ARID1A: variants seen among roughly 807,000 people sequenced by gnomAD.
ARID1A encodes the protein AT-rich interaction domain 1A, also known as AT-rich interactive domain-containing protein 1A.
In ARID1A, 20 loss-of-function variants were observed where a neutral mutation model predicts 212.6. That is an observed-to-expected ratio of 0.09 (90% CI 0.07 to 0.14). ARID1A has a LOEUF of 0.14. ARID1A is among the 10% of genes least tolerant of loss of function. ARID1A has a pLI of 1.00. For synonymous variants in ARID1A, 1,376 were observed against 1,222.1 expected, an observed-to-expected ratio of 1.13 and a Z score of -2.63; for missense variants, 2,587 against 3,059.0, an observed-to-expected ratio of 0.85 and a Z score of 3.64.
rs762736014 is a variant in ARID1A, at chr1:26,697,339, C to A, written c.936C>A (p.Pro312=). 2.9e-5 allele frequency: 39 copies of A among 1,330,740 alleles called. No individual in the cohort carries two copies. The highest frequency in any genetic ancestry group is 3.6e-5 in the Non-Finnish European group (38 of 1,047,324). The allele number at this position is 1,330,740 out of a possible 1,614,324, so 82.4% of individuals were successfully genotyped here. ...CGGCCCGGGGCTACCAGGGCTACCC[C>A]GGGGGCGACTACAGTGGCGGGCCCC... The part of the protein sequence containing the change: ...PSSARGYQGY[P]GGDYSGGPQD... Residue 312 remains proline (P), a synonymous_variant, in exon 1 of 20, where the codon CCC becomes CCA. Coordinates refer to ENST00000324856, the MANE Select transcript of ARID1A (RefSeq NM_006015.6).
intron 12 of ARID1A, 75 bp from the exon 13 acceptor site, chr1:26,772,425 G>A (rs1271959093): frequency 8.1e-6 from 13 of 1,598,716 alleles, no homozygotes; most frequent in Non-Finnish European, 1.0e-5. Flanking sequence ...GAGATTCTGG[G>A]TCGTTCGTGT....
rs1390071971 is a variant in ARID1A at position 26,779,710 on chromosome 1, A to G, written c.5812A>G (p.Lys1938Glu). 45 of 1,613,958 alleles carry G rather than the reference A, an allele frequency of 2.8e-5. No homozygotes were observed. The highest frequency in any genetic ancestry group is 3.7e-5 in the Non-Finnish European group (44 of 1,180,012). The change falls in exon 20 of 20, where the codon AAG becomes GAG. Residue 1938 changes from lysine (K) to glutamate (E), a missense_variant. Coordinates refer to ENST00000324856, the MANE Select transcript of ARID1A (RefSeq NM_006015.6). Reference sequence around the variant, plus strand: ...TTCAGAGGCCATCAAGGAGAGCAGCAAGTTTCCATTTGGCATTAGCCCAGC... The same window carrying G: ...TTCAGAGGCCATCAAGGAGAGCAGCGAGTTTCCATTTGGCATTAGCCCAGC... ...KSSEAIKESS[K>E]FPFGISPAQS...
chr1:26,734,555 A>C (rs1053154682), intron 4 of ARID1A, among the ~76,000 whole-genome samples: 2 of 152,152 alleles, frequency 1.3e-5, no homozygotes, highest in African/African-American at 4.8e-5. Context: ...GATTCATCCA[A>C]ATGGGTCATT....
chr1:26,774,065 C>G lies in ARID1A; in HGVS notation c.4101+167C>G. On this transcript the variant is annotated intron_variant, in intron 17 of 19. Coordinates refer to ENST00000324856, the MANE Select transcript of ARID1A (RefSeq NM_006015.6). This position sits in a 1 kb window ranked among gnomAD's most constrained non-coding sequence, Gnocchi z 5.6. Reference sequence around the variant, plus strand: ...TGAAGAGCCACGTCCTCAATCTCTTCTCTATTTGGAGTTGGAAGGGGCTAG... The same window carrying G: ...TGAAGAGCCACGTCCTCAATCTCTTGTCTATTTGGAGTTGGAAGGGGCTAG... The G allele has an allele frequency of 9.2e-7, 1 of 1,086,030 alleles. No homozygotes were observed. Among genetic ancestry groups the G allele is most frequent in the East Asian group, 2.6e-5 (1 of 38,844 alleles). The allele number at this position is 1,086,030 out of a possible 1,614,324, so 67.3% of individuals were successfully genotyped here.
rs2124118872 is a variant in ARID1A at position 26,774,593 on chromosome 1, C to A, written c.4366C>A (p.Pro1456Thr). 6.2e-7 allele frequency: 1 copy of A among 1,614,234 alleles called. No homozygotes were observed. The highest frequency in any genetic ancestry group is 8.5e-7 in the Non-Finnish European group (1 of 1,180,032). Residue 1456 changes from proline (P) to threonine (T), a missense_variant, in exon 18 of 20, where the codon CCA becomes ACA. Pro to Thr is a conservative substitution (Grantham distance 38). Transcript: ENST00000324856. The surrounding 1 kb of genome is among the most constrained non-coding windows in gnomAD (Gnocchi z 5.6). The stretch of plus-strand genomic sequence containing the variant: ...AGCAGGCGGCCCCCAGAACCAATTT[C>A]CATTCCAGTTTGGCCGAGACCGTGT... The part of the protein sequence containing the change: ...RPAGGPQNQF[P>T]FQFGRDRVSA...
intron 1 of ARID1A, among the ~76,000 whole-genome samples, chr1:26,719,690 C>G (rs1179680728): frequency 1.3e-5 from 2 of 151,844 alleles, no homozygotes; most frequent in East Asian, 3.9e-4. Flanking sequence ...CCTGTAATCC[C>G]AGCACTTTGG....
chr1:26,696,617 G>C lies in ARID1A; in HGVS notation c.214G>C (p.Glu72Gln), dbSNP rs2080256862. The change falls in exon 1 of 20, where the codon GAG (glutamate) becomes CAG (glutamine). Residue 72 changes from glutamate (E) to glutamine (Q), a missense_variant. This residue lies in a region of ARID1A where 735 missense variants were observed against 590.6 expected (regional missense o/e 1.24). Transcript: ENST00000324856. ...AVGPPQPLGK[E>Q]LQDGAESNGG... ...GGGGCCGCCGCAGCCGCTGGGAAAGGAGCTGCAGGACGGGGCCGAGAGCAA... is the reference window on the plus strand; with the variant it reads ...GGGGCCGCCGCAGCCGCTGGGAAAGCAGCTGCAGGACGGGGCCGAGAGCAA... The C allele has an allele frequency of 8.0e-7, 1 of 1,253,902 alleles. No individual in the cohort carries two copies. Among genetic ancestry groups the C allele is most frequent in the Non-Finnish European group, 1.0e-6 (1 of 1,002,560 alleles). 77.7% of individuals were successfully genotyped at this position (1,253,902 alleles called of 1,614,324 possible).
rs768462744 is a variant in ARID1A at position 26,779,612 on chromosome 1, A to C, written c.5714A>C (p.Lys1905Thr). 1.2e-6 allele frequency: 2 copies of C among 1,614,008 alleles called. No individual in the cohort carries two copies. The highest frequency in any genetic ancestry group is 2.2e-5 in the South Asian group (2 of 91,066). The change falls in exon 20 of 20, where the codon AAA (lysine) becomes ACA (threonine). Residue 1905 changes from lysine (K) to threonine (T), a missense_variant. By Grantham distance (78) the Lys-to-Thr change is moderately conservative. This residue lies in a region of ARID1A where 890 missense variants were observed against 1,098.2 expected (regional missense o/e 0.81). Transcript: ENST00000324856. ...CCCCCACCTGATGGACCTCCAGAAAAACGGATCACAGCCACTATGGATGAC... is the reference window on the plus strand; with the variant it reads ...CCCCCACCTGATGGACCTCCAGAAACACGGATCACAGCCACTATGGATGAC... ...EGPPPDGPPEKRITATMDDML... is the reference protein window; with the variant it reads ...EGPPPDGPPETRITATMDDML...
At chr1:26,762,861 A>G in intron 7 of ARID1A, 112 bp from the exon 8 acceptor site, 3 of 1,086,802 alleles carry the variant, frequency 2.8e-6, no homozygotes, top group Non-Finnish European at 3.9e-6. Flanking sequence ...CATGAAGTTG[A>G]TCTCTTTCCT....
intron 4 of ARID1A, among the ~76,000 whole-genome samples, chr1:26,733,216 G>A (rs1386358497): frequency 6.6e-6 from 1 of 152,126 alleles, no homozygotes; most frequent in African/African-American, 2.4e-5. Context: ...GAGCGTGGCT[G>A]GAGCAAAAGC....
intron 1 of ARID1A, among the ~76,000 whole-genome samples, chr1:26,726,325 C>G (rs1012547934): frequency 2.6e-5 from 4 of 151,830 alleles, no homozygotes; most frequent in African/African-American, 9.7e-5. Flanking sequence ...AGGCATGTGC[C>G]GCCACACCCA....
intron 1 of ARID1A, among the ~76,000 whole-genome samples, chr1:26,713,151 G>T (rs868813336): frequency 6.6e-6 from 1 of 152,140 alleles, no homozygotes; most frequent in Admixed American, 6.5e-5. Context: ...GTGTGTGCAT[G>T]TGTGTTTTAA....
At chr1:26,776,809 CAG>C (rs1177396367) in intron 19 of ARID1A, among the ~76,000 whole-genome samples, 2 of 152,296 alleles carry the variant, frequency 1.3e-5, no homozygotes, top group Non-Finnish European at 2.9e-5. Flanking sequence ...CAACAGCCCT[CAG>C]AGGTAGGAGG....
intron 4 of ARID1A, among the ~76,000 whole-genome samples, chr1:26,747,684 CAA>C (rs36091006): frequency 4.5e-4 from 56 of 124,348 alleles, no homozygotes; most frequent in Non-Finnish European, 6.5e-4. Flanking sequence ...CCATCTCTAC[CAA>C]AAAAAAAAAA....
At chr1:26,741,698 G>A (rs1310596604) in intron 4 of ARID1A, among the ~76,000 whole-genome samples, 1 of 152,200 alleles carries the variant, frequency 6.6e-6, no homozygotes, top group Non-Finnish European at 1.5e-5. Context: ...GGTTAGGTAG[G>A]AGTGAATGTT....
rs746078309 is a variant in ARID1A at position 26,779,685 on chromosome 1, T to C, written c.5787T>C (p.Ser1929=). The change falls in exon 20 of 20, where the codon AGT becomes AGC. Residue 1929 remains serine (S), a synonymous_variant. Transcript: ENST00000324856. ...CCTTGACCGAGGATGGAGCTAAGAG[T>C]TCAGAGGCCATCAAGGAGAGCAGCA... The part of the protein sequence containing the change: ...SSTLTEDGAK[S]SEAIKESSKF... The C allele has an allele frequency of 1.2e-6, 2 of 1,613,612 alleles. No individual in the cohort carries two copies. The highest frequency in any genetic ancestry group is 1.7e-6 in the Non-Finnish European group (2 of 1,179,914).
rs2124785861 is a variant in ARID1A, at chr1:26,729,871, G to A, written c.1350+8G>A. On this transcript the variant is annotated splice_region_variant and intron_variant, in intron 2 of 19. Transcript: ENST00000324856. ...CTCTCTTATACACAGCAGGTAGATG[G>A]TGATTGTGATTACCTTGACCCTTGT... 2 of 1,611,598 alleles carry A rather than the reference G, an allele frequency of 1.2e-6. No individual in the cohort carries two copies. The highest frequency in any genetic ancestry group is 2.2e-5 in the South Asian group (2 of 91,020).
At chr1:26,761,523 A>T in intron 6 of ARID1A, 50 bp downstream of exon 6, 2 of 1,563,978 alleles carry the variant, frequency 1.3e-6, no homozygotes, top group Non-Finnish European at 1.8e-6. Flanking sequence ...CAGACATTTG[A>T]GTGCCCTATG....
chr1:26,779,192 A>G lies in ARID1A; in HGVS notation c.5294A>G (p.Glu1765Gly), dbSNP rs751576769. The change falls in exon 20 of 20, where the codon GAA (glutamate) becomes GGA (glycine). Residue 1765 changes from glutamate (E) to glycine (G), a missense_variant. Glu to Gly is a moderately conservative substitution (Grantham distance 98). Transcript: ENST00000324856. ...GCTCCCATGGAGGGTGGGGAAGAAG[A>G]AGAAGAACTTCTAGGTCCTAAACTA... ...SPAPMEGGEE[E>G]EELLGPKLEE... The G allele has an allele frequency of 2.5e-6, 4 of 1,610,262 alleles. No individual in the cohort carries two copies. In the African/African-American group the frequency reaches 4.0e-5, roughly 16 times the overall value.
Sources: gnomAD v4.1 joint callset for allele counts (sites outside exome capture counted in the v4.1 genomes callset) on GRCh38, gnomAD v4.1.1 for gene constraint, gnomAD v4.1.1 regional missense constraint, Gnocchi (gnomAD v3.1) non-coding constraint, MANE v1.5 for transcripts, NCBI Gene and HGNC (gene_info 2026-07-23, HGNC 2026-07-21) for gene names.